The following LSM11 variants were observed in gnomAD, a reference collection of about 807,000 sequenced individuals.
LSM11 encodes the protein U7 snRNA-associated Sm-like protein LSm11.
LSM11 carries 14 observed loss-of-function variants against 28.1 expected under a neutral mutation model. The observed-to-expected ratio is 0.50, with a 90% CI of 0.33 to 0.78. LSM11 has a LOEUF of 0.78. LSM11 is among the 30% of genes least tolerant of loss of function. The pLI is 0.02. For missense variants in LSM11, 495 were observed against 510.6 expected (o/e 0.97, Z 0.30); for synonymous variants, 207 against 214.2 (o/e 0.97, Z 0.30).
intron 2 of LSM11, 145 bp from the exon 3 acceptor site, chr5:157,753,859 C>T (rs1315842606): frequency 2.2e-6 from 1 of 448,896 alleles, no homozygotes; most frequent in East Asian, 3.5e-5. Flanking sequence ...TCACCATTTT[C>T]TTCTGCCTAG....
chr5:157,754,092 G>A lies in LSM11; in HGVS notation c.672+5G>A, dbSNP rs1292656840. ...TCTTCACTGACTCTCACTAGGGTAG[G>A]CAGTTTTCCCCTGACCTCCTGAGTA... On this transcript the variant is annotated splice_donor_5th_base_variant and intron_variant, in intron 3 of 3. Coordinates refer to ENST00000286307, the MANE Select transcript of LSM11 (RefSeq NM_173491.4). 1.3e-6 allele frequency: 2 copies of A among 1,552,368 alleles called. No homozygotes were observed. The highest frequency in any genetic ancestry group is 2.0e-5 in the Admixed American group (1 of 50,274).
chr5:157,744,151 CG>C lies in LSM11; in HGVS notation c.404del (p.Gly135ValfsTer33). On this transcript the variant is annotated frameshift_variant, in exon 1 of 4. Coordinates refer to ENST00000286307, the MANE Select transcript of LSM11 (RefSeq NM_173491.4). LOFTEE classifies it high-confidence loss of function. ...GCCGCAGGAGCGGGCCGGAGGGGTC[CG>C]GGTCGGAGCAGGAAGGCGCCACGCA... Reference protein sequence around the residue: ...DGAAGAGRRGPGRSRKAPRNV... With the variant: ...DGAAGAGRRGXGRSRKAPRNV... The C allele has an allele frequency of 7.0e-7, 1 of 1,435,358 alleles. No individual in the cohort carries two copies. Among genetic ancestry groups the C allele is most frequent in the South Asian group, 1.4e-5 (1 of 71,626 alleles). The allele number at this position is 1,435,358 out of a possible 1,614,324, so 88.9% of individuals were successfully genotyped here.
rs751069183 is a variant in LSM11 at position 157,754,915 on chromosome 5, T to C, written c.734T>C (p.Val245Ala). ...AAGGAAGCAGATTCTAAGTCTGCAG[T>C]TGAAGATTCCACTCTGTCTAGATAC... ...SKKEADSKSA[V>A]EDSTLSRYSQ... The change falls in exon 4 of 4, where the codon GTT (valine) becomes GCT (alanine). Residue 245 changes from valine to alanine, a missense_variant. Transcript: ENST00000286307. The C allele has an allele frequency of 6.2e-7, 1 of 1,614,224 alleles. No homozygotes were observed. Among genetic ancestry groups the C allele is most frequent in the Non-Finnish European group, 8.5e-7 (1 of 1,180,034 alleles).
In LSM11 at chr5:157,759,286, A is replaced by G. The variant is rs1761375874; in HGVS notation, c.*4022A>G. Reference sequence around the variant, plus strand: ...GAGCGATGAGCTGCCCTTAATCCTCAGAAGCCTTACAAAAATTGAGATGTA... The same window carrying G: ...GAGCGATGAGCTGCCCTTAATCCTCGGAAGCCTTACAAAAATTGAGATGTA... On this transcript the variant is annotated 3_prime_UTR_variant, in exon 4 of 4. Transcript: ENST00000286307. 6.6e-6 allele frequency: 1 copy of G among 152,234 alleles called. No homozygotes were observed. The highest frequency in any genetic ancestry group is 2.1e-4 in the South Asian group (1 of 4,830). The allele number at this position is 152,234 out of a possible 1,614,324, so 9.4% of individuals were successfully genotyped here.
intron 1 of LSM11, among the ~76,000 whole-genome samples, chr5:157,745,517 C>T (rs1761134047): frequency 6.6e-6 from 1 of 152,136 alleles, no homozygotes; most frequent in South Asian, 2.1e-4. Context: ...AATTTGCCAC[C>T]ATTAGGTAGT....
intron 1 of LSM11, among the ~76,000 whole-genome samples, chr5:157,747,164 C>G (rs1035766697): frequency 3.9e-5 from 6 of 152,142 alleles, no homozygotes; most frequent in African/African-American, 1.4e-4. Flanking sequence ...ATTCTAGTGT[C>G]TATATTTCTC....
Position 157,757,186 on chromosome 5 carries a change from A to G in LSM11, c.*1922A>G, listed in dbSNP as rs1000903011. 1.3e-5 allele frequency: 2 copies of G among 152,108 alleles called. No homozygotes were observed. Among genetic ancestry groups the G allele is most frequent in the African/African-American group, 2.4e-5 (1 of 41,404 alleles). 9.4% of individuals were successfully genotyped at this position (152,108 alleles called of 1,614,324 possible). A position where few individuals can be genotyped will look rare whatever the true frequency, so the allele number is the denominator to read the frequency against. ...GTCTCAAAAAAAGGAAAAAAAAAAA[A>G]AGTAATCTTAGGGTTCATAGTTATG... is the stretch of plus-strand genomic sequence containing the variant. On this transcript the variant is annotated 3_prime_UTR_variant, in exon 4 of 4. Transcript: ENST00000286307.
At position 157,744,196 on chromosome 5, in the gene LSM11, C is replaced by T. The variant is rs947818336; in HGVS notation, c.446C>T (p.Pro149Leu). Residue 149 changes from proline to leucine, a missense_variant and splice_region_variant, in exon 1 of 4, where the codon CCC (proline) becomes CTC (leucine). Coordinates refer to ENST00000286307, the MANE Select transcript of LSM11 (RefSeq NM_173491.4). Reference protein sequence around the residue: ...KAPRNVLTRMPLHEGSPLGEL... With the variant: ...KAPRNVLTRMLLHEGSPLGEL... Reference sequence around the variant, plus strand: ...CCACGCAACGTGCTCACGCGAATGCCCTGTGAGTCCGCGGGCCGGGCGGGA... The same window carrying T: ...CCACGCAACGTGCTCACGCGAATGCTCTGTGAGTCCGCGGGCCGGGCGGGA... 1.6e-6 allele frequency: 2 copies of T among 1,282,504 alleles called. No homozygotes were observed. Among genetic ancestry groups the T allele is most frequent in the African/African-American group, 1.5e-5 (1 of 65,038 alleles). The allele number at this position is 1,282,504 out of a possible 1,614,324, so 79.4% of individuals were successfully genotyped here.
At chr5:157,754,696 A>G (rs1454589000) in intron 3 of LSM11, among the ~76,000 whole-genome samples, 158 bp from the exon 4 acceptor site, 6 of 139,542 alleles carry the variant, frequency 4.3e-5, no homozygotes, top group Non-Finnish European at 7.5e-5. Context: ...CGTCTCCAAA[A>G]AAAAAAAAAA....
chr5:157,755,154 C>T lies in LSM11; in HGVS notation c.973C>T (p.Arg325Cys), dbSNP rs748170291. ...TACCACCCTTTCCAGAGGCCAGTCCCGTAAGAAAAAGCGAAAGCCCAAAGT... is the reference window on the plus strand; with the variant it reads ...TACCACCCTTTCCAGAGGCCAGTCCTGTAAGAAAAAGCGAAAGCCCAAAGT... The part of the protein sequence containing the change: ...RATTLSRGQS[R>C]KKKRKPKVDY... Residue 325 changes from arginine to cysteine, a missense_variant, in exon 4 of 4, where the codon CGT becomes TGT. Coordinates refer to ENST00000286307, the MANE Select transcript of LSM11 (RefSeq NM_173491.4). The T allele has an allele frequency of 3.7e-5, 60 of 1,614,034 alleles. No individual in the cohort carries two copies. The highest frequency in any genetic ancestry group is 4.8e-5 in the Non-Finnish European group (57 of 1,180,044).
chr5:157,744,739 A>G (rs1372192429), intron 1 of LSM11, among the ~76,000 whole-genome samples: 2 of 152,092 alleles, frequency 1.3e-5, no homozygotes, highest in African/African-American at 4.8e-5. Flanking sequence ...TTTGAGGATG[A>G]TCGGATGGAG....
intron 3 of LSM11, 51 bp downstream of exon 3, chr5:157,754,138 A>C: frequency 7.8e-7 from 1 of 1,275,472 alleles, no homozygotes; most frequent in Non-Finnish European, 1.1e-6. Context: ...TTTCCAGCTT[A>C]GGAATTAAGA....
intron 1 of LSM11, among the ~76,000 whole-genome samples, chr5:157,748,041 G>T (rs1183606364): frequency 1.3e-5 from 2 of 151,030 alleles, no homozygotes; most frequent in Admixed American, 1.3e-4. Flanking sequence ...AGGCCAGTTT[G>T]ACATAGCATC....
In LSM11 at chr5:157,754,783, T is replaced by C; in HGVS notation, c.673-71T>C. 2 of 1,399,566 alleles carry C rather than the reference T, an allele frequency of 1.4e-6. 1 individual carries two copies. The highest frequency in any genetic ancestry group is 2.8e-5 in the South Asian group (2 of 72,234). The allele number at this position is 1,399,566 out of a possible 1,614,324, so 86.7% of individuals were successfully genotyped here. A position where few individuals can be genotyped will look rare whatever the true frequency, so the allele number is the denominator to read the frequency against. On this transcript the variant is annotated intron_variant, in intron 3 of 3. Transcript: ENST00000286307. ...AGAACATAATTAAAGAATTTGGTCT[T>C]TTTCTGTATGTTGAAAGAGGGTGAT... is the stretch of plus-strand genomic sequence containing the variant.
rs987188880 is a variant in LSM11 at position 157,758,656 on chromosome 5, A to G, written c.*3392A>G. ...AATACTGAAATACTAGAAACCAACA[A>G]AACTGGTTTCTAGAATTCTCCAGGG... On this transcript the variant is annotated 3_prime_UTR_variant, in exon 4 of 4. Coordinates refer to ENST00000286307, the MANE Select transcript of LSM11 (RefSeq NM_173491.4). 1 of 152,176 alleles carries G rather than the reference A, an allele frequency of 6.6e-6. No individual in the cohort carries two copies. The highest frequency in any genetic ancestry group is 2.4e-5 in the African/African-American group (1 of 41,446). The allele number at this position is 152,176 out of a possible 1,614,324, so 9.4% of individuals were successfully genotyped here.
chr5:157,745,847 C>A (rs1255685420), intron 1 of LSM11, among the ~76,000 whole-genome samples: 1 of 152,108 alleles, frequency 6.6e-6, no homozygotes, highest in African/African-American at 2.4e-5. Context: ...GAGTTGATGA[C>A]CTTCAGAAAG....
chr5:157,755,754 C>G lies in LSM11; in HGVS notation c.*490C>G. The G allele has an allele frequency of 2.5e-6, 1 of 402,330 alleles. No homozygotes were observed. The allele number at this position is 402,330 out of a possible 1,614,324, so 24.9% of individuals were successfully genotyped here. A position where few individuals can be genotyped will look rare whatever the true frequency, so the allele number is the denominator to read the frequency against. ...CTTTTGAATTTTGCCTGACATGATTCTCTCTTGATGAAGAAATGACATATA... is the reference window on the plus strand; with the variant it reads ...CTTTTGAATTTTGCCTGACATGATTGTCTCTTGATGAAGAAATGACATATA... On this transcript the variant is annotated 3_prime_UTR_variant, in exon 4 of 4. Coordinates refer to ENST00000286307, the MANE Select transcript of LSM11 (RefSeq NM_173491.4).
chr5:157,744,116 A>C lies in LSM11; in HGVS notation c.366A>C (p.Glu122Asp). Residue 122 changes from glutamate to aspartate, a missense_variant, in exon 1 of 4, where the codon GAA becomes GAC. By Grantham distance (45) the Glu-to-Asp change is conservative. Coordinates refer to ENST00000286307, the MANE Select transcript of LSM11 (RefSeq NM_173491.4). Reference protein sequence around the residue: ...RLRRLMVAKEEGDGAAGAGRR... With the variant: ...RLRRLMVAKEDGDGAAGAGRR... Reference sequence around the variant, plus strand: ...GCCGTCTCATGGTGGCCAAAGAGGAAGGGGACGGGGCCGCAGGAGCGGGCC... The same window carrying C: ...GCCGTCTCATGGTGGCCAAAGAGGACGGGGACGGGGCCGCAGGAGCGGGCC... The C allele has an allele frequency of 6.7e-7, 1 of 1,484,258 alleles. No individual in the cohort carries two copies. Among genetic ancestry groups the C allele is most frequent in the African/African-American group, 1.4e-5 (1 of 69,324 alleles). 91.9% of individuals were successfully genotyped at this position (1,484,258 alleles called of 1,614,324 possible). A position where few individuals can be genotyped will look rare whatever the true frequency, so the allele number is the denominator to read the frequency against.
intron 2 of LSM11, 32 bp downstream of exon 2, chr5:157,751,561 C>T: frequency 1.3e-6 from 2 of 1,574,014 alleles, no homozygotes; most frequent in South Asian, 2.3e-5. Context: ...GGCTGGAGAA[C>T]CTCCTACAGA....
Sources: allele counts gnomAD v4.1 joint callset (sites outside exome capture counted in the v4.1 genomes callset), GRCh38; gene constraint gnomAD v4.1.1; transcripts MANE v1.5; gene names NCBI Gene and HGNC (gene_info 2026-07-23, HGNC 2026-07-21).